Variants in SLCO6A1 observed in about 807,000 individuals in gnomAD.
SLCO6A1 encodes the protein solute carrier organic anion transporter family member 6A1.
In SLCO6A1, 65 loss-of-function variants were observed where a neutral mutation model predicts 72.7. The ratio of observed to expected loss-of-function variants is 0.89; its 90% confidence interval spans 0.73 to 1.10. SLCO6A1 has a LOEUF of 1.10. Among genes scored for constraint, SLCO6A1 ranks in the 50% least tolerant of loss-of-function variants. The probability of loss-of-function intolerance (pLI) is 0.00; values close to 1 mark genes in which losing one functional copy is unlikely to be tolerated. For synonymous variants in SLCO6A1, 314 were observed against 298.2 expected, an observed-to-expected ratio of 1.05 and a Z score of -0.55; for missense variants, 874 against 872.6, an observed-to-expected ratio of 1.00 and a Z score of -0.02.
intron 1 of SLCO6A1, among the ~76,000 whole-genome samples, chr5:102,483,382 A>C (rs1752302589): frequency 6.6e-6 from 1 of 152,278 alleles, no homozygotes; most frequent in Non-Finnish European, 1.5e-5. Flanking sequence ...TAATGCTACC[A>C]TAGCATACTT....
intron 6 of SLCO6A1, among the ~76,000 whole-genome samples, chr5:102,445,975 C>A (rs1750088243): frequency 6.6e-6 from 1 of 152,080 alleles, no homozygotes; most frequent in Non-Finnish European, 1.5e-5. Context: ...CCTTGTAGTA[C>A]ATTTTGAAGT....
chr5:102,395,434 C>A (rs1747018104), intron 10 of SLCO6A1, among the ~76,000 whole-genome samples: 1 of 152,110 alleles, frequency 6.6e-6, no homozygotes, highest in East Asian at 1.9e-4. Context: ...TTAATCCAGT[C>A]TATCATTGTT....
At position 102,405,717 on chromosome 5, in the gene SLCO6A1, G is replaced by A. The variant is rs149772542; in HGVS notation, c.1627-5975C>T. Among the ~76,000 whole-genome samples the A allele has an allele frequency of 2.2e-3, 328 of 152,090 alleles. 3 individuals are homozygous for A. Among genetic ancestry groups the A allele is most frequent in the African/African-American group, 7.3e-3 (304 of 41,536 alleles). On this transcript the variant is annotated intron_variant, in intron 9 of 13. Coordinates refer to ENST00000506729, the MANE Select transcript of SLCO6A1 (RefSeq NM_173488.5). ...CTTAAGGTAAATGATGATGCTGAGC[G>A]AAACTCACATCTTCATGAATGATGA...
intron 7 of SLCO6A1, among the ~76,000 whole-genome samples, chr5:102,421,197 G>A (rs1206913362): frequency 6.6e-6 from 1 of 152,098 alleles, no homozygotes. Flanking sequence ...GCTGCCAGTT[G>A]GGCAGACAAT....
intron 7 of SLCO6A1, among the ~76,000 whole-genome samples, chr5:102,421,275 G>C (rs922228709): frequency 2.0e-5 from 3 of 151,830 alleles, no homozygotes; most frequent in Non-Finnish European, 4.4e-5. Flanking sequence ...AGACAGAACT[G>C]TTCACTCCCC....
intron 1 of SLCO6A1, among the ~76,000 whole-genome samples, chr5:102,487,634 T>C (rs1206804071): frequency 6.6e-6 from 1 of 152,164 alleles, no homozygotes; most frequent in Non-Finnish European, 1.5e-5. Context: ...GCATGGACCA[T>C]CACAATTCTG....
intron 11 of SLCO6A1, among the ~76,000 whole-genome samples, chr5:102,390,251 G>A (rs1417845190): frequency 6.6e-6 from 1 of 152,084 alleles, no homozygotes; most frequent in Non-Finnish European, 1.5e-5. Flanking sequence ...TGTTTCCTAT[G>A]CTACCTCTTC....
intron 6 of SLCO6A1, among the ~76,000 whole-genome samples, chr5:102,446,988 C>T (rs1003136282): frequency 2.6e-5 from 4 of 152,110 alleles, no homozygotes; most frequent in Admixed American, 6.6e-5. Flanking sequence ...CTCCTGACCT[C>T]GTGATTTGCC....
intron 1 of SLCO6A1, among the ~76,000 whole-genome samples, chr5:102,492,471 G>A (rs762015416): frequency 6.6e-6 from 1 of 152,150 alleles, no homozygotes; most frequent in Non-Finnish European, 1.5e-5. Context: ...CAACATAGAA[G>A]ACAGGTGATT....
In SLCO6A1 at chr5:102,490,765, C is replaced by T. The variant is rs533748244; in HGVS notation, c.358+7722G>A. Among the ~76,000 whole-genome samples, 8 of 152,230 alleles carry T rather than the reference C, an allele frequency of 5.3e-5. No homozygotes were observed. The South Asian group carries it at 1.5e-3, about 28-fold the overall frequency. Reference sequence around the variant, plus strand: ...AGTTGTTCGTTCCTCCTGGTGGGTTCGTGGTCTCGCTGGCTTCAGGAGTGA... The same window carrying T: ...AGTTGTTCGTTCCTCCTGGTGGGTTTGTGGTCTCGCTGGCTTCAGGAGTGA... On this transcript the variant is annotated intron_variant, in intron 1 of 13. Coordinates refer to ENST00000506729, the MANE Select transcript of SLCO6A1 (RefSeq NM_173488.5).
At chr5:102,404,130 C>T (rs1441575158) in intron 9 of SLCO6A1, among the ~76,000 whole-genome samples, 1 of 152,132 alleles carries the variant, frequency 6.6e-6, no homozygotes, top group African/African-American at 2.4e-5. Context: ...TTGAGACTCA[C>T]TATGGAAAAT....
At chr5:102,475,607 T>C in intron 4 of SLCO6A1, 90 bp downstream of exon 4, 2 of 755,772 alleles carry the variant, frequency 2.6e-6, no homozygotes, top group Non-Finnish European at 4.1e-6. Flanking sequence ...TTATTACAAA[T>C]TAAATATATA....
At chr5:102,485,500 G>T (rs968638294) in intron 1 of SLCO6A1, among the ~76,000 whole-genome samples, 1 of 152,104 alleles carries the variant, frequency 6.6e-6, no homozygotes, top group East Asian at 1.9e-4. Context: ...TGGGTGTGGA[G>T]TCTGAGTACC....
chr5:102,429,689 C>T (rs1197199178), intron 7 of SLCO6A1, among the ~76,000 whole-genome samples: 1 of 152,126 alleles, frequency 6.6e-6, no homozygotes, highest in Non-Finnish European at 1.5e-5. Context: ...CAGTATGATG[C>T]TGTTTTGGTT....
chr5:102,456,601 G>A lies in SLCO6A1; in HGVS notation c.1131+1781C>T, dbSNP rs1415400521. ...CAAACCACTGCTCAACGAAATAAAA[G>A]AGGATACAAACAAATGGAAGAACAT... is the stretch of plus-strand genomic sequence containing the variant. On this transcript the variant is annotated intron_variant, in intron 6 of 13. Coordinates refer to ENST00000506729, the MANE Select transcript of SLCO6A1 (RefSeq NM_173488.5). Among the ~76,000 whole-genome samples, 3 of 152,174 alleles carry A rather than the reference G, an allele frequency of 2.0e-5. No individual in the cohort carries two copies. In the East Asian group the frequency reaches 5.8e-4, roughly 29 times the overall value.
intron 4 of SLCO6A1, among the ~76,000 whole-genome samples, chr5:102,467,665 G>A (rs1580481040): frequency 6.6e-6 from 1 of 152,006 alleles, no homozygotes; most frequent in East Asian, 1.9e-4. Context: ...GCATTTGTGT[G>A]GTATCAGTTG....
intron 7 of SLCO6A1, among the ~76,000 whole-genome samples, chr5:102,426,422 G>GA (rs1050403579): frequency 2.1e-4 from 31 of 150,344 alleles, no homozygotes; most frequent in Non-Finnish European, 4.3e-4. Context: ...AAATTTACAA[G>GA]AAAAAAACAA....
rs554342726 is a variant in SLCO6A1, at chr5:102,389,306, G to A, written c.1880-481C>T. Among the ~76,000 whole-genome samples the A allele has an allele frequency of 1.9e-3, 289 of 152,206 alleles. 3 individuals are homozygous for A. The highest frequency in any genetic ancestry group is 6.7e-3 in the African/African-American group (280 of 41,540). On this transcript the variant is annotated intron_variant, in intron 11 of 13. Transcript: ENST00000506729. The stretch of plus-strand genomic sequence containing the variant: ...ATGCAAATACACTGGCATGTTTATA[G>A]TAGCCCCAGATTCAGATGACCTCAG...
intron 1 of SLCO6A1, among the ~76,000 whole-genome samples, chr5:102,497,319 C>T (rs1752952413): frequency 6.6e-6 from 1 of 152,180 alleles, no homozygotes; most frequent in Admixed American, 6.5e-5. Flanking sequence ...GTGGCTGAGC[C>T]AGAATGTCGC....
Sources: gnomAD v4.1 joint callset for allele counts (sites outside exome capture counted in the v4.1 genomes callset) on GRCh38, gnomAD v4.1.1 for gene constraint, MANE v1.5 for transcripts, NCBI Gene and HGNC (gene_info 2026-07-23, HGNC 2026-07-21) for gene names.